Variants in BCL2L11 observed in about 807,000 individuals in gnomAD.
BCL2L11 encodes the protein bcl-2-like protein 11.
In BCL2L11, 15 loss-of-function variants were observed where a neutral mutation model predicts 20.6. That is an observed-to-expected ratio of 0.73 (90% CI 0.49 to 1.12). The LOEUF is 1.12. BCL2L11 is among the 50% of genes most tolerant of loss of function. The pLI, the probability that BCL2L11 is intolerant of heterozygous loss-of-function variation, is 0.00. For synonymous variants in BCL2L11, 108 were observed against 92.8 expected (o/e 1.16, Z -0.94); for missense variants, 292 against 260.9 (o/e 1.12, Z -0.82).
intron 1 of BCL2L11, among the ~76,000 whole-genome samples, chr2:111,121,996 G>A: frequency 6.6e-6 from 1 of 152,212 alleles, no homozygotes; most frequent in Non-Finnish European, 1.5e-5. Flanking sequence ...TGCCCTCTGG[G>A]ACCTGTTGCC....
chr2:111,143,683 A>G (rs2076143051), intron 2 of BCL2L11, among the ~76,000 whole-genome samples: 1 of 152,176 alleles, frequency 6.6e-6, no homozygotes, highest in African/African-American at 2.4e-5. Context: ...ATGGTGCAAG[A>G]TGCTGGGCTT....
rs778130987 is a variant in BCL2L11 at position 111,148,726 on chromosome 2, C to T, written c.395-1318C>T. On this transcript the variant is annotated intron_variant, in intron 2 of 3. Coordinates refer to ENST00000393256, the MANE Select transcript of BCL2L11 (RefSeq NM_138621.5). Reference sequence around the variant, plus strand: ...GGGGATCGGTGTGTGTCCCTCTTACCCCACTGCCACCCCCACAGGGGTGGT... The same window carrying T: ...GGGGATCGGTGTGTGTCCCTCTTACTCCACTGCCACCCCCACAGGGGTGGT... Among the ~76,000 whole-genome samples, 7 of 152,242 alleles carry T rather than the reference C, an allele frequency of 4.6e-5. No homozygotes were observed. The South Asian group carries it at 8.3e-4, about 18-fold the overall frequency.
At chr2:111,123,351 G>C (rs2071660808) in intron 1 of BCL2L11, 1 of 985,494 alleles carries the variant, frequency 1.0e-6, no homozygotes, top group Non-Finnish European at 1.2e-6. Flanking sequence ...CCGCTCCTGT[G>C]CTCCGGCGTC....
intron 3 of BCL2L11, among the ~76,000 whole-genome samples, chr2:111,155,532 C>T (rs2077720007): frequency 6.6e-6 from 1 of 152,206 alleles, no homozygotes; most frequent in Non-Finnish European, 1.5e-5. Context: ...CTTGGAATAA[C>T]TGGACCCATT....
chr2:111,146,157 G>A (rs1559061337), intron 2 of BCL2L11: 1 of 984,864 alleles, frequency 1.0e-6, no homozygotes, highest in Non-Finnish European at 1.2e-6. Flanking sequence ...ATTTTCTGTG[G>A]GTAAAAATGC....
chr2:111,123,328 G>A (rs1489399156), intron 1 of BCL2L11: 7 of 985,380 alleles, frequency 7.1e-6, no homozygotes, highest in Non-Finnish European at 8.4e-6. Context: ...GCCTGCAATC[G>A]CTGCATCTGC....
At chr2:111,127,252 A>G (rs1252999084) in intron 2 of BCL2L11, among the ~76,000 whole-genome samples, 1 of 152,090 alleles carries the variant, frequency 6.6e-6, no homozygotes, top group African/African-American at 2.4e-5. Flanking sequence ...TTTAATGGAA[A>G]TTAAAGTGTA....
chr2:111,144,071 G>C (rs1263956383), intron 2 of BCL2L11, among the ~76,000 whole-genome samples: 1 of 152,134 alleles, frequency 6.6e-6, no homozygotes, highest in East Asian at 1.9e-4. Context: ...AAGGCAATGG[G>C]CAGTGCACGT....
rs181666302 is a variant in BCL2L11, at chr2:111,135,301, C to T, written c.394+11162C>T. On this transcript the variant is annotated intron_variant, in intron 2 of 3. Coordinates refer to ENST00000393256, the MANE Select transcript of BCL2L11 (RefSeq NM_138621.5). ...ATTCTAAGATTTCTGCCTGTTTCTACTAGGTAAGTTGGAAGTTCAGATTTC... is the reference window on the plus strand; with the variant it reads ...ATTCTAAGATTTCTGCCTGTTTCTATTAGGTAAGTTGGAAGTTCAGATTTC... Among the ~76,000 whole-genome samples the T allele has an allele frequency of 1.2e-3, 183 of 152,232 alleles. 1 individual carries two copies. Among genetic ancestry groups the T allele is most frequent in the African/African-American group, 4.2e-3 (175 of 41,536 alleles).
At chr2:111,124,498 G>A (rs2072067777) in intron 2 of BCL2L11, among the ~76,000 whole-genome samples, 1 of 152,134 alleles carries the variant, frequency 6.6e-6, no homozygotes, top group South Asian at 2.1e-4. Flanking sequence ...CACCGTGTTA[G>A]CCAGGATGGT....
chr2:111,142,464 G>T, intron 2 of BCL2L11: 1 of 1,189,054 alleles, frequency 8.4e-7, no homozygotes, highest in East Asian at 2.5e-5. Context: ...TAAGTGAGAA[G>T]CTTTCATTAT....
In BCL2L11 at chr2:111,164,555, TA is replaced by T. The variant is rs1285029823; in HGVS notation, c.*326del. The T allele has an allele frequency of 4.5e-5, 9 of 199,070 alleles. No individual in the cohort carries two copies. The East Asian group carries it at 1.0e-3, about 23-fold the overall frequency. The allele number at this position is 199,070 out of a possible 1,614,324, so 12.3% of individuals were successfully genotyped here. On this transcript the variant is annotated 3_prime_UTR_variant, in exon 4 of 4. Transcript: ENST00000393256. ...AGTGTGTTTTCCCCCTCACCTTCAA[TA>T]AGGTTTTTCAAAAAGGAAATGGAAA... is the stretch of plus-strand genomic sequence containing the variant.
At chr2:111,136,303 G>A (rs1243712546) in intron 2 of BCL2L11, among the ~76,000 whole-genome samples, 4 of 152,164 alleles carry the variant, frequency 2.6e-5, no homozygotes, top group Admixed American at 1.3e-4. Context: ...CTCCCTGTCC[G>A]TCATCCCTCA....
chr2:111,148,580 T>G (rs2076861095), intron 2 of BCL2L11, among the ~76,000 whole-genome samples: 1 of 152,248 alleles, frequency 6.6e-6, no homozygotes, highest in Non-Finnish European at 1.5e-5. Context: ...ATTGGATGTA[T>G]TCAGAGGCCA....
intron 2 of BCL2L11, among the ~76,000 whole-genome samples, chr2:111,143,173 A>G (rs1328069747): frequency 6.6e-6 from 1 of 152,208 alleles, no homozygotes; most frequent in Non-Finnish European, 1.5e-5. Flanking sequence ...AGCTATAGAA[A>G]TGGAGCTGTG....
chr2:111,124,413 C>A (rs1339324328), intron 2 of BCL2L11, among the ~76,000 whole-genome samples: 1 of 152,068 alleles, frequency 6.6e-6, no homozygotes, highest in Non-Finnish European at 1.5e-5. Flanking sequence ...ACCTCAGCCT[C>A]CAGAGTAGCT....
At chr2:111,137,003 T>G (rs1011100339) in intron 2 of BCL2L11, among the ~76,000 whole-genome samples, 11 of 152,028 alleles carry the variant, frequency 7.2e-5, no homozygotes, top group African/African-American at 2.7e-4. Context: ...TGTGTGACTC[T>G]CATGGTGTGA....
At chr2:111,143,313 C>G (rs2076094182) in intron 2 of BCL2L11, among the ~76,000 whole-genome samples, 1 of 152,102 alleles carries the variant, frequency 6.6e-6, no homozygotes, top group Non-Finnish European at 1.5e-5. Flanking sequence ...CTGTCACACA[C>G]TATTCAGAGC....
intron 3 of BCL2L11, among the ~76,000 whole-genome samples, chr2:111,156,417 C>T (rs952177979): frequency 1.1e-4 from 11 of 96,058 alleles, no homozygotes; most frequent in African/African-American, 7.1e-4. Context: ...ATCAGTGGCA[C>T]GGTTTTCATT....
Sources: gnomAD v4.1 joint callset for allele counts (sites outside exome capture counted in the v4.1 genomes callset) on GRCh38, gnomAD v4.1.1 for gene constraint, MANE v1.5 for transcripts, NCBI Gene and HGNC (gene_info 2026-07-23, HGNC 2026-07-21) for gene names.